EXOC2: variants seen among roughly 807,000 people sequenced by gnomAD.
EXOC2 encodes SEC5-like 1.
A neutral mutation model predicts 131.8 loss-of-function variants in EXOC2; 70 were observed. The observed-to-expected ratio is 0.53, with a 90% CI of 0.44 to 0.65. EXOC2 has a LOEUF of 0.65. Among genes scored for constraint, EXOC2 ranks in the 30% least tolerant of loss-of-function variants. The probability of loss-of-function intolerance (pLI) is 0.00; values close to 1 mark genes in which losing one functional copy is unlikely to be tolerated. For missense variants in EXOC2, 923 were observed against 1,108.6 expected, an observed-to-expected ratio of 0.83 and a Z score of 2.38; for synonymous variants, 411 against 398.4, an observed-to-expected ratio of 1.03 and a Z score of -0.38.
rs762736216 is a variant in EXOC2 at position 687,171 on chromosome 6, C to CTTTTTTTTTTTTTTTT, written c.-44+5832_-44+5847dup. 2.6e-4 allele frequency among the ~76,000 whole-genome samples: 20 copies of CTTTTTTTTTTTTTTTT among 78,360 alleles called. 4 individuals carry two copies. The highest frequency in any genetic ancestry group is 2.9e-4 in the Non-Finnish European group (13 of 45,478). The allele number at this position is 78,360 out of a possible 152,430, so 51.4% of individuals were successfully genotyped here. A position where few individuals can be genotyped will look rare whatever the true frequency, so the allele number is the denominator to read the frequency against. On this transcript the variant is annotated intron_variant, in intron 1 of 27. Transcript: ENST00000230449. ...GAAGAAGTCATTATCAAATAATATTCTTTTTTTTTTTTTTTTTTTTTTTGA... is the reference window on the plus strand; with the variant it reads ...GAAGAAGTCATTATCAAATAATATTCTTTTTTTTTTTTTTTTTTTTTTTTTTTTTTTTTTTTTTTGA...
rs142260745 is a variant in EXOC2, at chr6:688,194, G to C, written c.-44+4825C>G. ...GTGTAAATGATGTGAAAGGATGAAA[G>C]GTTCGAAAAGCGTGAAAATGCTGAA... On this transcript the variant is annotated intron_variant, in intron 1 of 27. Transcript: ENST00000230449. Among the ~76,000 whole-genome samples, 598 of 152,284 alleles carry C rather than the reference G, an allele frequency of 3.9e-3. 4 individuals carry two copies. The highest frequency in any genetic ancestry group is 0.02 in the South Asian group (97 of 4,824).
chr6:540,811 G>A (rs1259832484), intron 22 of EXOC2, among the ~76,000 whole-genome samples: 1 of 152,054 alleles, frequency 6.6e-6, no homozygotes, highest in Admixed American at 6.6e-5. Flanking sequence ...AGAGCCAAGG[G>A]AACAAACAGG....
chr6:592,658 G>T, intron 10 of EXOC2, 71 bp from the exon 11 acceptor site: 1 of 1,171,588 alleles, frequency 8.5e-7, no homozygotes. Flanking sequence ...ACTTTTTAAA[G>T]GCTAAAATTT....
intron 1 of EXOC2, among the ~76,000 whole-genome samples, chr6:650,507 G>A (rs1157458320): frequency 6.6e-6 from 1 of 152,136 alleles, no homozygotes; most frequent in East Asian, 1.9e-4. Flanking sequence ...CGTTTTTACT[G>A]TATAATTACA....
At chr6:538,542 G>A (rs1192668363) in intron 22 of EXOC2, among the ~76,000 whole-genome samples, 1 of 152,292 alleles carries the variant, frequency 6.6e-6, no homozygotes, top group Middle Eastern at 3.4e-3. Flanking sequence ...CACTGATGGG[G>A]GTGAGAAAGG....
At chr6:513,976 A>C (rs1428081651) in intron 23 of EXOC2, among the ~76,000 whole-genome samples, 5 of 152,238 alleles carry the variant, frequency 3.3e-5, no homozygotes, top group Non-Finnish European at 7.3e-5. Context: ...TACAATGTAG[A>C]GTTTAAGCAC....
intron 23 of EXOC2, among the ~76,000 whole-genome samples, chr6:529,105 G>T (rs930728652): frequency 1.7e-5 from 2 of 117,704 alleles, no homozygotes; most frequent in African/African-American, 6.3e-5. Flanking sequence ...GCCCGGCATC[G>T]CCTGCCTTTT....
At chr6:681,603 T>A (rs181151925) in intron 1 of EXOC2, among the ~76,000 whole-genome samples, 1 of 152,212 alleles carries the variant, frequency 6.6e-6, no homozygotes, top group African/African-American at 2.4e-5. Context: ...CTATAAAAAC[T>A]AGGCCAAAAC....
rs1195162983 is a variant in EXOC2 at position 556,395 on chromosome 6, A to G, written c.1932+89T>C. 10 of 1,292,320 alleles carry G rather than the reference A, an allele frequency of 7.7e-6. No individual in the cohort carries two copies. In the East Asian group the frequency reaches 2.1e-4, roughly 27 times the overall value. 80.1% of individuals were successfully genotyped at this position (1,292,320 alleles called of 1,614,324 possible). ...ACAAGCAGGCGAAGAGGGAGAAAAG[A>G]TCTTGCAGTACGATGAGTCAAAAAT... On this transcript the variant is annotated intron_variant, in intron 18 of 27. Transcript: ENST00000230449.
intron 1 of EXOC2, among the ~76,000 whole-genome samples, chr6:675,283 G>A (rs552118818): frequency 6.6e-6 from 1 of 152,314 alleles, no homozygotes; most frequent in African/African-American, 2.4e-5. Context: ...CTCAGGCTGG[G>A]GGTGGAGGAA....
chr6:635,935 C>A lies in EXOC2; in HGVS notation c.118+1766G>T, dbSNP rs188412815. Among the ~76,000 whole-genome samples, 1,417 of 152,314 alleles carry A rather than the reference C, an allele frequency of 9.3e-3. 9 individuals are homozygous for A. Among genetic ancestry groups the A allele is most frequent in the Non-Finnish European group, 0.015 (1,003 of 68,024 alleles). On this transcript the variant is annotated intron_variant, in intron 2 of 27. Coordinates refer to ENST00000230449, the MANE Select transcript of EXOC2 (RefSeq NM_018303.6). Reference sequence around the variant, plus strand: ...AATTAGCTGGGTATGGCGGCACATGCGCCTGTAGTCCCAGCTACTGGGGAG... The same window carrying A: ...AATTAGCTGGGTATGGCGGCACATGAGCCTGTAGTCCCAGCTACTGGGGAG...
At chr6:487,353 C>T (rs1763132863) in intron 27 of EXOC2, among the ~76,000 whole-genome samples, 1 of 152,172 alleles carries the variant, frequency 6.6e-6, no homozygotes, top group African/African-American at 2.4e-5. Context: ...AGGCAAATCG[C>T]TTTGCTGCCT....
chr6:619,941 C>A (rs1761201600), intron 4 of EXOC2, among the ~76,000 whole-genome samples: 1 of 152,130 alleles, frequency 6.6e-6, no homozygotes, highest in Non-Finnish European at 1.5e-5. Flanking sequence ...AATATTAAAT[C>A]ACTTTGTTAA....
intron 1 of EXOC2, among the ~76,000 whole-genome samples, chr6:668,872 TTTG>T (rs374666030): frequency 2.1e-3 from 319 of 152,364 alleles, no homozygotes; most frequent in African/African-American, 5.7e-3. Flanking sequence ...CTGTATTGTT[TTTG>T]TTGTTTTTTT....
At position 576,788 on chromosome 6, in the gene EXOC2, C is replaced by T. The variant is rs764361830; in HGVS notation, c.1287G>A (p.Arg429=). The T allele has an allele frequency of 2.5e-6, 4 of 1,614,078 alleles. 1 individual carries two copies. The highest frequency in any genetic ancestry group is 1.7e-4 in the Middle Eastern group (1 of 6,058). ...GHLSQTASLK[R]GSSFQSGRDD... is the part of the protein sequence containing the mutation. The stretch of plus-strand genomic sequence containing the variant: ...CTCGACCAGACTGAAAGCTGCTGCC[C>T]CTCTTCAGGGACGCTGTCTGACTGA... The change falls in exon 12 of 28, where the codon AGG becomes AGA. Residue 429 remains arginine, a synonymous_variant. Transcript: ENST00000230449.
intron 27 of EXOC2, among the ~76,000 whole-genome samples, chr6:488,183 G>A (rs557607334): frequency 6.6e-6 from 1 of 151,110 alleles, no homozygotes; most frequent in Admixed American, 6.6e-5. Context: ...TCTGTGCGTC[G>A]ATGCCATGTG....
chr6:502,520 A>G (rs1028561341), intron 23 of EXOC2, among the ~76,000 whole-genome samples: 10 of 152,158 alleles, frequency 6.6e-5, no homozygotes, highest in African/African-American at 2.4e-4. Flanking sequence ...TCCTGGCAAG[A>G]ACCCACCCGC....
At chr6:626,325 A>C (rs889645884) in intron 4 of EXOC2, among the ~76,000 whole-genome samples, 4 of 152,258 alleles carry the variant, frequency 2.6e-5, no homozygotes, top group Non-Finnish European at 5.9e-5. Flanking sequence ...TGAAAGAAAA[A>C]AGCATGCAGC....
intron 6 of EXOC2, among the ~76,000 whole-genome samples, chr6:614,232 T>G (rs998837894): frequency 2.0e-5 from 3 of 151,410 alleles, no homozygotes; most frequent in African/African-American, 7.3e-5. Context: ...GGACTTAGGG[T>G]CACTCAATAT....
Sources: gnomAD v4.1 joint callset for allele counts (sites outside exome capture counted in the v4.1 genomes callset) on GRCh38, gnomAD v4.1.1 for gene constraint, MANE v1.5 for transcripts, NCBI Gene and HGNC (gene_info 2026-07-23, HGNC 2026-07-21) for gene names.